Variants in TGFBR3 observed in about 807,000 individuals in gnomAD.
TGFBR3 encodes transforming growth factor beta receptor 3, also known as transforming growth factor beta receptor type 3.
TGFBR3 carries 46 observed loss-of-function variants against 87.9 expected under a neutral mutation model. That is an observed-to-expected ratio of 0.52 (90% CI 0.41 to 0.67). TGFBR3 has a LOEUF of 0.67. Among genes scored for constraint, TGFBR3 ranks in the 30% least tolerant of loss-of-function variants. The pLI, the probability that TGFBR3 is intolerant of heterozygous loss-of-function variation, is 0.00. For missense variants in TGFBR3, 866 were observed against 1,041.9 expected, an observed-to-expected ratio of 0.83 and a Z score of 2.32; for synonymous variants, 381 against 391.6, an observed-to-expected ratio of 0.97 and a Z score of 0.32.
intron 4 of TGFBR3, chr1:91,755,037 C>T (rs1016767032): frequency 6.6e-6 from 1 of 152,222 alleles, no homozygotes; most frequent in Non-Finnish European, 1.5e-5. Context: ...TCGCTTTCCA[C>T]AGCTCCTTTA....
intron 2 of TGFBR3, among the ~76,000 whole-genome samples, chr1:91,829,101 C>A (rs1676754204): frequency 6.6e-6 from 1 of 152,064 alleles, no homozygotes; most frequent in Non-Finnish European, 1.5e-5. Context: ...TGTGGCTGGG[C>A]ACGATGGCTC....
chr1:91,799,787 T>C (rs1001693078), intron 2 of TGFBR3, among the ~76,000 whole-genome samples: 1 of 152,096 alleles, frequency 6.6e-6, no homozygotes, highest in East Asian at 1.9e-4. Context: ...AGATCTTCCT[T>C]AAATCACCAT....
intron 12 of TGFBR3, among the ~76,000 whole-genome samples, chr1:91,713,112 T>G (rs1048432168): frequency 6.6e-6 from 1 of 152,194 alleles, no homozygotes; most frequent in Non-Finnish European, 1.5e-5. Flanking sequence ...TCAGTGACGG[T>G]GCAACCTGGA....
rs1262172382 is a variant in TGFBR3 at position 91,712,538 on chromosome 1, G to A, written c.1871C>T (p.Ser624Phe). The change falls in exon 13 of 17, where the codon TCT becomes TTT. Residue 624 changes from serine (S) to phenylalanine (F), a missense_variant. By Grantham distance (155) the Ser-to-Phe change is radical. Transcript: ENST00000212355. ...PENGHVYVEV[S>F]VTKAEQELGF... ...CAGTTCTTGTTCAGCCTTAGTAACA[G>A]ATACCTATGAAAGAACAGAAAGATG... is the stretch of plus-strand genomic sequence containing the variant. The A allele has an allele frequency of 1.2e-6, 2 of 1,613,974 alleles. No homozygotes were observed. The highest frequency in any genetic ancestry group is 1.7e-6 in the Non-Finnish European group (2 of 1,180,002).
chr1:91,768,080 C>T (rs1362392273), intron 3 of TGFBR3, among the ~76,000 whole-genome samples: 6 of 151,958 alleles, frequency 3.9e-5, no homozygotes, highest in African/African-American at 4.8e-5. Context: ...GGTGTGGTGG[C>T]GCATGCCTGT....
intron 16 of TGFBR3, 179 bp downstream of exon 16, chr1:91,695,493 C>A: frequency 1.5e-6 from 1 of 647,360 alleles, no homozygotes. Flanking sequence ...CTTTTCTTTC[C>A]ACTGTTTATG....
chr1:91,876,760 C>A (rs781588088), intron 1 of TGFBR3, among the ~76,000 whole-genome samples: 2 of 152,020 alleles, frequency 1.3e-5, no homozygotes, highest in African/African-American at 4.8e-5. Flanking sequence ...AAAAAGAAGC[C>A]GAAGGAGGAA....
At chr1:91,691,480 C>T (rs1032929318) in intron 16 of TGFBR3, among the ~76,000 whole-genome samples, 10 of 152,052 alleles carry the variant, frequency 6.6e-5, no homozygotes, top group African/African-American at 2.4e-4. Context: ...TTCAAAAGTC[C>T]GAAGGAAAAA....
intron 1 of TGFBR3, among the ~76,000 whole-genome samples, chr1:91,875,783 G>A (rs1432911974): frequency 0.02 from 325 of 16,266 alleles, 35 homozygotes; most frequent in African/African-American, 0.082. Context: ...AGCTACTCGG[G>A]CGGGGGGGGG....
intron 4 of TGFBR3, among the ~76,000 whole-genome samples, chr1:91,736,580 A>T (rs1332828849): frequency 1.3e-5 from 2 of 152,050 alleles, no homozygotes; most frequent in Non-Finnish European, 2.9e-5. Context: ...ATAAGAAAAA[A>T]ATCCTAGGTC....
intron 2 of TGFBR3, among the ~76,000 whole-genome samples, chr1:91,839,853 TA>T (rs1677202133): frequency 6.6e-6 from 1 of 152,192 alleles, no homozygotes; most frequent in Non-Finnish European, 1.5e-5. Flanking sequence ...CTTTAGTTAA[TA>T]ATATTGTAAC....
chr1:91,717,635 A>G (rs1009797461), intron 10 of TGFBR3, among the ~76,000 whole-genome samples: 4 of 151,764 alleles, frequency 2.6e-5, no homozygotes, highest in African/African-American at 4.8e-5. Context: ...AAACAATTAT[A>G]ATTGGTGAGA....
chr1:91,875,786 G>A (rs1374945043), intron 1 of TGFBR3, among the ~76,000 whole-genome samples: 1 of 64,320 alleles, frequency 1.6e-5, no homozygotes, highest in South Asian at 1.1e-3. Flanking sequence ...TACTCGGGCG[G>A]GGGGGGGGGG....
chr1:91,882,743 T>G (rs1293470692), intron 1 of TGFBR3, among the ~76,000 whole-genome samples: 1 of 152,042 alleles, frequency 6.6e-6, no homozygotes, highest in Non-Finnish European at 1.5e-5. Context: ...AGAGACTCCA[T>G]CTCAAAAAAT....
chr1:91,689,651 T>C (rs1000965941), intron 16 of TGFBR3, among the ~76,000 whole-genome samples: 1 of 152,066 alleles, frequency 6.6e-6, no homozygotes, highest in African/African-American at 2.4e-5. Flanking sequence ...ACCTTTGAAT[T>C]TGTAATAACA....
chr1:91,758,746 G>A lies in TGFBR3; in HGVS notation c.251C>T (p.Thr84Ile), dbSNP rs1453257241. ...TGAGGAGATGGGATTCAGGTGAAGT[G>A]TGACCTAGGAAGCAACAGAAAGAGG... Reference protein sequence around the residue: ...QGPGQLQREVTLHLNPISSVH... With the variant: ...QGPGQLQREVILHLNPISSVH... Residue 84 changes from threonine (T) to isoleucine (I), a missense_variant, in exon 4 of 17, where the codon ACA becomes ATA. Coordinates refer to ENST00000212355, the MANE Select transcript of TGFBR3 (RefSeq NM_003243.5). 1.2e-6 allele frequency: 2 copies of A among 1,613,810 alleles called. No individual in the cohort carries two copies. Among genetic ancestry groups the A allele is most frequent in the Non-Finnish European group, 1.7e-6 (2 of 1,179,878 alleles).
intron 1 of TGFBR3, among the ~76,000 whole-genome samples, chr1:91,877,262 C>T (rs543404686): frequency 6.6e-6 from 1 of 152,260 alleles, no homozygotes; most frequent in African/African-American, 2.4e-5. Context: ...AAGCCCTAAC[C>T]AGCATGGTAT....
At chr1:91,717,414 AC>A (rs1176557697) in intron 10 of TGFBR3, among the ~76,000 whole-genome samples, 1 of 151,936 alleles carries the variant, frequency 6.6e-6, no homozygotes, top group Non-Finnish European at 1.5e-5. Context: ...TTTTTTTTCC[AC>A]CTTTTTCGCT....
chr1:91,884,035 A>C (rs1439825937), intron 1 of TGFBR3, among the ~76,000 whole-genome samples: 1 of 152,172 alleles, frequency 6.6e-6, no homozygotes, highest in Non-Finnish European at 1.5e-5. Flanking sequence ...ATAAAGATCC[A>C]TGTTGGCCAG....
Sources: gnomAD v4.1 joint callset for allele counts (sites outside exome capture counted in the v4.1 genomes callset) on GRCh38, gnomAD v4.1.1 for gene constraint, MANE v1.5 for transcripts, NCBI Gene and HGNC (gene_info 2026-07-23, HGNC 2026-07-21) for gene names.